UPRT: variants seen among roughly 807,000 people sequenced by gnomAD.
UPRT encodes the protein uracil phosphoribosyltransferase homolog.
UPRT carries 5 observed loss-of-function variants against 22.6 expected under a neutral mutation model. The observed-to-expected ratio is 0.22, with a 90% confidence interval of 0.12 to 0.47. The LOEUF (loss-of-function observed/expected upper bound fraction) is 0.47, where lower values mean the gene tolerates loss of function less well. Ranked by LOEUF, UPRT falls within the 20% of genes least tolerant of loss-of-function variation. The pLI, the probability that UPRT is intolerant of heterozygous loss-of-function variation, is 0.99. For missense variants in UPRT, 181 were observed against 239.9 expected, an observed-to-expected ratio of 0.75 and a Z score of 1.62; for synonymous variants, 77 against 87.7, an observed-to-expected ratio of 0.88 and a Z score of 0.68.
chrX:75,272,562 A>G (rs1403045334), upstream of UPRT, among the ~76,000 whole-genome samples: 1 of 107,052 alleles, frequency 9.3e-6, no homozygotes, highest in Non-Finnish European at 1.9e-5. Flanking sequence ...GAATGATACA[A>G]TGAACTTTGG....
intron 4 of UPRT, among the ~76,000 whole-genome samples, chrX:75,243,277 G>T (rs1259705806): frequency 4.5e-5 from 5 of 111,096 alleles, no homozygotes; most frequent in Non-Finnish European, 9.5e-5. Context: ...CTAGCAACAT[G>T]CCTGGCAAAT....
chrX:75,250,770 T>G (rs946243478), intron 4 of UPRT, among the ~76,000 whole-genome samples: 1 of 111,589 alleles, frequency 9.0e-6, no homozygotes, highest in Admixed American at 9.5e-5. Flanking sequence ...AAAGAGAATT[T>G]TAGACTAATA....
chrX:75,229,262 G>A (rs775728609), intron 4 of UPRT, among the ~76,000 whole-genome samples: 3 of 111,723 alleles, frequency 2.7e-5, no homozygotes, highest in East Asian at 2.8e-4. Flanking sequence ...TCAAATCATC[G>A]TGTATACCTT....
At chrX:75,259,774 C>T (rs959302835) in intron 4 of UPRT, among the ~76,000 whole-genome samples, 2 of 110,747 alleles carry the variant, frequency 1.8e-5, no homozygotes, top group African/African-American at 6.6e-5. Context: ...AAAGATACTC[C>T]TCGAGAAGAG....
At chrX:75,168,092 A>G in intron 4 of UPRT, among the ~76,000 whole-genome samples, 1 of 111,934 alleles carries the variant, frequency 8.9e-6, no homozygotes, top group Non-Finnish European at 1.9e-5. Flanking sequence ...TGCTACTAGT[A>G]TATTTTGTCA....
Position 75,303,561 on chromosome X carries a change from A to AT in UPRT, c.*54dup, listed in dbSNP as rs1260089694. 2.0e-6 allele frequency: 2 copies of AT among 1,009,841 alleles called. No individual in the cohort carries two copies. The highest frequency in any genetic ancestry group is 2.7e-6 in the Non-Finnish European group (2 of 744,456). The allele number at this position is 1,009,841 out of a possible 1,213,427, so 83.2% of individuals were successfully genotyped here. ...TATGTAATATTACAATCATGTTTTG[A>AT]TTTTCTATTTGTTTTACTGATTCAC... is the stretch of plus-strand genomic sequence containing the variant. On this transcript the variant is annotated 3_prime_UTR_variant, in exon 7 of 7. Transcript: ENST00000373383.
At chrX:75,303,305 T>G in intron 6 of UPRT, 100 bp from the exon 7 acceptor site, 1 of 562,395 alleles carries the variant, frequency 1.8e-6, no homozygotes, top group Non-Finnish European at 3.0e-6. Flanking sequence ...GCTCTCTGTC[T>G]TCTCTCAATT....
chrX:75,266,528 T>C (rs1323712971), intron 4 of UPRT, among the ~76,000 whole-genome samples: 1 of 111,416 alleles, frequency 9.0e-6, no homozygotes, highest in Non-Finnish European at 1.9e-5. Context: ...ACATAGGCAT[T>C]GGCAAGTACT....
intron 4 of UPRT, among the ~76,000 whole-genome samples, chrX:75,252,153 T>C (rs1335956537): frequency 4.5e-5 from 5 of 111,839 alleles, no homozygotes; most frequent in Admixed American, 9.5e-5. Flanking sequence ...TAGGCATGTG[T>C]AAGGACTTCA....
intron 4 of UPRT, among the ~76,000 whole-genome samples, chrX:75,200,606 A>T (rs1218471959): frequency 9.0e-6 from 1 of 111,696 alleles, no homozygotes; most frequent in Admixed American, 9.5e-5. Flanking sequence ...AAAGAAAATT[A>T]TTCTTTATAA....
exon 1 of UPRT, chrX:75,156,453 G>T: frequency 1.9e-6 from 1 of 523,893 alleles, no homozygotes; most frequent in Non-Finnish European, 3.2e-6. Context: ...TTAGGGCCGA[G>T]CTTTGATTGT....
chrX:75,219,569 A>G (rs2082403863), intron 4 of UPRT, among the ~76,000 whole-genome samples: 1 of 111,652 alleles, frequency 9.0e-6, no homozygotes, highest in South Asian at 3.7e-4. Flanking sequence ...CTAAACAATG[A>G]TACCACTGGA....
intron 1 of UPRT, among the ~76,000 whole-genome samples, chrX:75,159,890 C>T (rs1167167553): frequency 9.3e-6 from 1 of 107,495 alleles, no homozygotes; most frequent in Non-Finnish European, 1.9e-5. Context: ...GATTCTCCTG[C>T]CTCAGCCTCC....
intron 4 of UPRT, among the ~76,000 whole-genome samples, chrX:75,185,111 G>C (rs988103006): frequency 5.4e-5 from 6 of 111,799 alleles, no homozygotes; most frequent in Admixed American, 9.5e-5. Flanking sequence ...TTTTCAAAGG[G>C]AATGCTCCGA....
chrX:75,183,292 G>A (rs1452211004), intron 4 of UPRT, among the ~76,000 whole-genome samples: 3 of 110,987 alleles, frequency 2.7e-5, no homozygotes, highest in African/African-American at 3.3e-5. Flanking sequence ...CTGTCCTTGC[G>A]ATAGTTTGCT....
chrX:75,224,833 C>A, intron 4 of UPRT, among the ~76,000 whole-genome samples: 1 of 111,608 alleles, frequency 9.0e-6, no homozygotes, highest in Admixed American at 9.6e-5. Context: ...TTCACCACAA[C>A]TTTCACTGTT....
intron 4 of UPRT, among the ~76,000 whole-genome samples, chrX:75,187,793 C>A (rs2082299683): frequency 9.0e-6 from 1 of 111,718 alleles, no homozygotes; most frequent in African/African-American, 3.3e-5. Context: ...TTGCTGATAC[C>A]CTTTCTTCCA....
chrX:75,283,527 G>C (rs956683416), intron 1 of UPRT, among the ~76,000 whole-genome samples: 1 of 111,290 alleles, frequency 9.0e-6, no homozygotes. Context: ...TCTGAAAAAG[G>C]CTATATTTTT....
At chrX:75,224,519 T>C (rs2082418404) in intron 4 of UPRT, among the ~76,000 whole-genome samples, 1 of 111,175 alleles carries the variant, frequency 9.0e-6, no homozygotes, top group African/African-American at 3.3e-5. Context: ...GGGCAAAGTT[T>C]TGAGTATTCC....
Sources: gnomAD v4.1 joint callset for allele counts (sites outside exome capture counted in the v4.1 genomes callset) on GRCh38, gnomAD v4.1.1 for gene constraint, MANE v1.5 for transcripts, NCBI Gene and HGNC (gene_info 2026-07-23, HGNC 2026-07-21) for gene names.